The following EVC variants were observed in gnomAD, a reference collection of about 807,000 sequenced individuals.
The protein encoded by EVC is evC complex member EVC.
A neutral mutation model predicts 118.9 loss-of-function variants in EVC; 116 were observed. The ratio of observed to expected loss-of-function variants is 0.98; its 90% CI spans 0.84 to 1.14. The LOEUF is 1.14. Among genes scored for constraint, EVC ranks in the 50% most tolerant of loss-of-function variants. The pLI is 0.00. For synonymous variants in EVC, 619 were observed against 534.7 expected, an observed-to-expected ratio of 1.16 and a Z score of -2.18; for missense variants, 1,401 against 1,246.4, an observed-to-expected ratio of 1.12 and a Z score of -1.87.
At chr4:5,729,165 C>A in intron 2 of EVC, 142 bp from the exon 3 acceptor site, 1 of 759,964 alleles carries the variant, frequency 1.3e-6, no homozygotes, top group Non-Finnish European at 2.4e-6. Flanking sequence ...CAAGGAAGAG[C>A]TAATATGAAT....
At position 5,753,857 on chromosome 4, in the gene EVC, C is replaced by G. The variant is rs1473605830; in HGVS notation, c.1388C>G (p.Thr463Arg). Reference protein sequence around the residue: ...AHQVEGTAKLTLAQEEEQRSF... With the variant: ...AHQVEGTAKLRLAQEEEQRSF... ...CAGGTGGAGGGAACGGCAAAACTCA[C>G]GCTGGCCCAAGAGGAGGAACAGAGA... The change falls in exon 10 of 21, where the codon ACG becomes AGG. Residue 463 changes from threonine to arginine, a missense_variant. Transcript: ENST00000264956. 1.9e-6 allele frequency: 3 copies of G among 1,614,074 alleles called. No homozygotes were observed. Among genetic ancestry groups the G allele is most frequent in the Non-Finnish European group, 2.5e-6 (3 of 1,180,018 alleles).
At chr4:5,739,653 G>C (rs1728218842) in intron 5 of EVC, among the ~76,000 whole-genome samples, 1 of 152,112 alleles carries the variant, frequency 6.6e-6, no homozygotes, top group African/African-American at 2.4e-5. Flanking sequence ...ATGCCTGTGT[G>C]GCATATGCCA....
chr4:5,805,402 C>T (rs910496023), intron 17 of EVC, among the ~76,000 whole-genome samples: 16 of 152,172 alleles, frequency 1.1e-4, no homozygotes, highest in Admixed American at 2.0e-4. Context: ...CGAAGGGGCC[C>T]GCCGACCGGG....
chr4:5,828,513 G>A, the EVC span: 9 of 1,614,240 alleles, frequency 5.6e-6, no homozygotes, highest in Non-Finnish European at 7.6e-6. Context: ...TGACGCGCTG[G>A]TACAGGTGCT....
intron 17 of EVC, among the ~76,000 whole-genome samples, chr4:5,806,083 C>G (rs923728026): frequency 6.8e-6 from 1 of 147,010 alleles, no homozygotes; most frequent in Admixed American, 6.7e-5. Context: ...TCCTTCCACT[C>G]TCTTTTTTTT....
In EVC at chr4:5,746,745, C is replaced by T. The variant is rs1189506141; in HGVS notation, c.940-1403C>T. Among the ~76,000 whole-genome samples the T allele has an allele frequency of 6.6e-6, 1 of 152,086 alleles. No homozygotes were observed. Among genetic ancestry groups the T allele is most frequent in the African/African-American group, 2.4e-5 (1 of 41,408 alleles). On this transcript the variant is annotated intron_variant, in intron 7 of 20. Coordinates refer to ENST00000264956, the MANE Select transcript of EVC (RefSeq NM_153717.3). This position sits in a 1 kb window ranked among gnomAD's most constrained non-coding sequence, Gnocchi z 5.8. Reference sequence around the variant, plus strand: ...TATTGGTGACCTCCAAAAATGGTGACCTCTGGCCTAGAAATGGTGTGTAAA... The same window carrying T: ...TATTGGTGACCTCCAAAAATGGTGATCTCTGGCCTAGAAATGGTGTGTAAA...
In EVC at chr4:5,743,221, C is replaced by G. The variant is rs145236719; in HGVS notation, c.801+1407C>G. On this transcript the variant is annotated intron_variant, in intron 6 of 20. Transcript: ENST00000264956. This position sits in a 1 kb window ranked among gnomAD's most constrained non-coding sequence, Gnocchi z 4.7. ...CACTTTCATCACCATCCACTGGTTCCTGCCGGTTTCTTCACTTTATCCTGT... is the reference window on the plus strand; with the variant it reads ...CACTTTCATCACCATCCACTGGTTCGTGCCGGTTTCTTCACTTTATCCTGT... Among the ~76,000 whole-genome samples the G allele has an allele frequency of 1.9e-3, 285 of 152,228 alleles. No individual in the cohort carries two copies. Among genetic ancestry groups the G allele is most frequent in the African/African-American group, 6.1e-3 (254 of 41,544 alleles).
At chr4:5,781,444 G>A (rs1207156991) in intron 11 of EVC, among the ~76,000 whole-genome samples, 1 of 152,138 alleles carries the variant, frequency 6.6e-6, no homozygotes, top group African/African-American at 2.4e-5. Flanking sequence ...TGGCCCAGGG[G>A]AGGCTCCAGA....
rs1728687145 is a variant in EVC, at chr4:5,742,119, G to C, written c.801+305G>C. Among the ~76,000 whole-genome samples, 1 of 151,956 alleles carries C rather than the reference G, an allele frequency of 6.6e-6. No individual in the cohort carries two copies. The highest frequency in any genetic ancestry group is 1.5e-5 in the Non-Finnish European group (1 of 67,984). ...TTTTTAAAGACATAATTTGTTTATT[G>C]GTTATAGCTATGTATACTACTTTGT... On this transcript the variant is annotated intron_variant, in intron 6 of 20. Coordinates refer to ENST00000264956, the MANE Select transcript of EVC (RefSeq NM_153717.3). The surrounding 1 kb of genome is among the most constrained non-coding windows in gnomAD (Gnocchi z 5.2).
the EVC span, among the ~76,000 whole-genome samples, chr4:5,819,586 CCGT>C: frequency 4.6e-5 from 7 of 152,182 alleles, no homozygotes; most frequent in African/African-American, 1.4e-4. Flanking sequence ...GGCAAGCACC[CCGT>C]CAGAGTCTGT....
rs1314582756 is a variant in EVC, at chr4:5,761,967, A to G, written c.1563+5605A>G. Among the ~76,000 whole-genome samples, 4 of 151,120 alleles carry G rather than the reference A, an allele frequency of 2.6e-5. 1 individual carries two copies. Among genetic ancestry groups the G allele is most frequent in the African/African-American group, 7.3e-5 (3 of 40,822 alleles). On this transcript the variant is annotated intron_variant, in intron 11 of 20. Coordinates refer to ENST00000264956, the MANE Select transcript of EVC (RefSeq NM_153717.3). Reference sequence around the variant, plus strand: ...TGCACAATGTGCAGGTTAGTTACATATGTATACCTGTGCCATGCTGGTGCG... The same window carrying G: ...TGCACAATGTGCAGGTTAGTTACATGTGTATACCTGTGCCATGCTGGTGCG...
the EVC span, chr4:5,824,801 A>C: frequency 3.0e-6 from 3 of 985,424 alleles, no homozygotes; most frequent in Non-Finnish European, 3.6e-6. Context: ...AAGAGTTTGC[A>C]GGACAAAATT....
chr4:5,791,042 C>G (rs1267189394), intron 12 of EVC, among the ~76,000 whole-genome samples: 6 of 151,738 alleles, frequency 4.0e-5, no homozygotes. Flanking sequence ...TTGCAGTGAG[C>G]CGAGATCTCA....
rs187382141 is a variant in EVC, at chr4:5,774,816, G to C, written c.1564-8736G>C. 4.7e-4 allele frequency among the ~76,000 whole-genome samples: 72 copies of C among 152,238 alleles called. 1 individual carries two copies. Among genetic ancestry groups the C allele is most frequent in the African/African-American group, 1.6e-3 (68 of 41,522 alleles). ...TGACCCCTTTACACACACTGGGAAA[G>C]CAATAATGCAAATTAATTCTGGTTC... On this transcript the variant is annotated intron_variant, in intron 11 of 20. Transcript: ENST00000264956.
intron 11 of EVC, among the ~76,000 whole-genome samples, chr4:5,780,126 T>C (rs1046595692): frequency 6.6e-6 from 1 of 152,230 alleles, no homozygotes; most frequent in African/African-American, 2.4e-5. Flanking sequence ...TTGGTTCTGT[T>C]TATATGCTGG....
rs1428821352 is a variant in EVC at position 5,749,758 on chromosome 4, A to G, written c.1098+1452A>G. 6.6e-6 allele frequency among the ~76,000 whole-genome samples: 1 copy of G among 152,090 alleles called. No homozygotes were observed. Among genetic ancestry groups the G allele is most frequent in the African/African-American group, 2.4e-5 (1 of 41,412 alleles). Reference sequence around the variant, plus strand: ...CAGCCCGTGTGGCAGCTCGGCTCAGAACCCTGCAGTGGCCACCCTGCCCTC... The same window carrying G: ...CAGCCCGTGTGGCAGCTCGGCTCAGGACCCTGCAGTGGCCACCCTGCCCTC... On this transcript the variant is annotated intron_variant, in intron 8 of 20. Transcript: ENST00000264956. The surrounding 1 kb of genome is among the most constrained non-coding windows in gnomAD (Gnocchi z 4.4).
At chr4:5,816,675 T>TTCCC (rs772085318), downstream of EVC, among the ~76,000 whole-genome samples, 1 of 121,892 alleles carries the variant, frequency 8.2e-6, no homozygotes, top group Non-Finnish European at 1.7e-5. Flanking sequence ...CCTCTCTCCC[T>TTCCC]TCCCTCCCTC....
rs1729682283 is a variant in EVC, at chr4:5,748,315, G to A, written c.1098+9G>A. ...AGGAGCTGCAGGCTCTGGTAATGCT[G>A]GAGGGGGCGGGAGGGAACATAAAGA... On this transcript the variant is annotated intron_variant, in intron 8 of 20. Coordinates refer to ENST00000264956, the MANE Select transcript of EVC (RefSeq NM_153717.3). The A allele has an allele frequency of 6.2e-7, 1 of 1,613,778 alleles. No homozygotes were observed. The highest frequency in any genetic ancestry group is 1.7e-5 in the Admixed American group (1 of 60,002).
chr4:5,817,267 G>A (rs1387404857), downstream of EVC, among the ~76,000 whole-genome samples: 3 of 152,212 alleles, frequency 2.0e-5, no homozygotes, highest in Non-Finnish European at 4.4e-5. Flanking sequence ...CCGTGTCGGG[G>A]CTCTTGTCCA....
Sources: allele counts gnomAD v4.1 joint callset (sites outside exome capture counted in the v4.1 genomes callset), GRCh38; gene constraint gnomAD v4.1.1; non-coding constraint Gnocchi (gnomAD v3.1); transcripts MANE v1.5; gene names NCBI Gene and HGNC (gene_info 2026-07-23, HGNC 2026-07-21).